Variants in KCNIP1 observed in about 807,000 individuals in gnomAD.
KCNIP1 encodes the protein A-type potassium channel modulatory protein KCNIP1.
KCNIP1 carries 18 observed loss-of-function variants against 33.0 expected under a neutral mutation model. The ratio of observed to expected loss-of-function variants is 0.55; its 90% confidence interval spans 0.38 to 0.81. The LOEUF is 0.81. KCNIP1 is among the 30% of genes least tolerant of loss of function. The probability of loss-of-function intolerance (pLI) is 0.00; values close to 1 mark genes in which losing one functional copy is unlikely to be tolerated. For synonymous variants in KCNIP1, 93 were observed against 98.3 expected (o/e 0.95, Z 0.32); for missense variants, 238 against 271.6 (o/e 0.88, Z 0.87).
At chr5:170,420,327 A>G (rs1345431532) in intron 1 of KCNIP1, 2 of 152,188 alleles carry the variant, frequency 1.3e-5, no homozygotes, top group Admixed American at 1.3e-4. Context: ...CACTTAATAA[A>G]TAGCAAATAT....
intron 1 of KCNIP1, among the ~76,000 whole-genome samples, chr5:170,437,001 G>C (rs193176052): frequency 6.6e-6 from 1 of 152,342 alleles, no homozygotes; most frequent in African/African-American, 2.4e-5. Context: ...GGAGCCTTGA[G>C]AAATGAAGAC....
chr5:170,370,421 C>A (rs911987941), intron 1 of KCNIP1, among the ~76,000 whole-genome samples: 1 of 152,182 alleles, frequency 6.6e-6, no homozygotes, highest in Non-Finnish European at 1.5e-5. Context: ...ATGAACAAGG[C>A]AGATTCAAAC....
At chr5:170,694,864 A>G (rs1762839325) in intron 1 of KCNIP1, among the ~76,000 whole-genome samples, 1 of 152,244 alleles carries the variant, frequency 6.6e-6, no homozygotes, top group Non-Finnish European at 1.5e-5. Flanking sequence ...TGTTGAGTTT[A>G]AAGAACAAAT....
chr5:170,544,043 T>C (rs1336296976), intron 1 of KCNIP1, among the ~76,000 whole-genome samples: 1 of 152,212 alleles, frequency 6.6e-6, no homozygotes, highest in African/African-American at 2.4e-5. Flanking sequence ...TTTTGTGTTA[T>C]GAAGATTTTT....
chr5:170,599,969 C>T (rs1036390699), intron 1 of KCNIP1, among the ~76,000 whole-genome samples: 1 of 152,200 alleles, frequency 6.6e-6, no homozygotes, highest in Admixed American at 6.5e-5. Flanking sequence ...CCAAGGTCCT[C>T]ATCAATCCTA....
At chr5:170,435,423 G>A (rs1395691313) in intron 1 of KCNIP1, among the ~76,000 whole-genome samples, 2 of 152,206 alleles carry the variant, frequency 1.3e-5, no homozygotes, top group African/African-American at 4.8e-5. Context: ...GGGCCCCAGC[G>A]CCTGTAGGTG....
At chr5:170,596,238 C>T (rs926511236) in intron 1 of KCNIP1, among the ~76,000 whole-genome samples, 5 of 152,330 alleles carry the variant, frequency 3.3e-5, no homozygotes, top group Middle Eastern at 3.4e-3. Context: ...GCAGGCTCAC[C>T]TGTCCATTGG....
At chr5:170,544,837 C>T (rs1233607151) in intron 1 of KCNIP1, among the ~76,000 whole-genome samples, 1 of 152,084 alleles carries the variant, frequency 6.6e-6, no homozygotes, top group Non-Finnish European at 1.5e-5. Context: ...AACTCCTGTA[C>T]CCACTTCTTT....
At chr5:170,355,396 G>A (rs761066580) in intron 1 of KCNIP1, among the ~76,000 whole-genome samples, 3 of 152,206 alleles carry the variant, frequency 2.0e-5, no homozygotes, top group Non-Finnish European at 4.4e-5. Flanking sequence ...CAGCTGGAAG[G>A]TTTTCTTTCC....
intron 1 of KCNIP1, among the ~76,000 whole-genome samples, chr5:170,414,329 G>C (rs532801004): frequency 6.6e-6 from 1 of 152,324 alleles, no homozygotes; most frequent in South Asian, 2.1e-4. Flanking sequence ...TCAGCCTAAA[G>C]GTTTCTCTGC....
intron 1 of KCNIP1, among the ~76,000 whole-genome samples, chr5:170,517,650 G>A (rs540332417): frequency 1.7e-3 from 257 of 149,776 alleles, no homozygotes; most frequent in Admixed American, 3.8e-3. Context: ...GTATGACAGC[G>A]ATGGTGGTAT....
At chr5:170,559,299 C>T (rs1212259505) in intron 1 of KCNIP1, among the ~76,000 whole-genome samples, 2 of 152,314 alleles carry the variant, frequency 1.3e-5, no homozygotes, top group African/African-American at 2.4e-5. Flanking sequence ...TCACAATAAA[C>T]CCATAATTAG....
chr5:170,391,418 T>C (rs1316090561), intron 1 of KCNIP1, among the ~76,000 whole-genome samples: 5 of 152,178 alleles, frequency 3.3e-5, no homozygotes, highest in Non-Finnish European at 5.9e-5. Context: ...CTGCTCCCCC[T>C]AAATGAGCCA....
At chr5:170,599,281 G>A (rs530149493) in intron 1 of KCNIP1, among the ~76,000 whole-genome samples, 6 of 152,246 alleles carry the variant, frequency 3.9e-5, no homozygotes, top group Non-Finnish European at 4.4e-5. Flanking sequence ...TACAATGGAG[G>A]GAAAAGTTGT....
At chr5:170,679,273 CA>C (rs1762246307) in intron 1 of KCNIP1, 1 of 152,222 alleles carries the variant, frequency 6.6e-6, no homozygotes. Flanking sequence ...GAAAATTTAA[CA>C]ATTAGTTTTC....
intron 1 of KCNIP1, among the ~76,000 whole-genome samples, chr5:170,608,150 T>C (rs1244191112): frequency 6.6e-6 from 1 of 152,090 alleles, no homozygotes; most frequent in African/African-American, 2.4e-5. Context: ...ATTATCTGTC[T>C]CCTAGGAACA....
At position 170,357,347 on chromosome 5, in the gene KCNIP1, G is replaced by A. The variant is rs146691549; in HGVS notation, c.88+3383G>A. On this transcript the variant is annotated intron_variant, in intron 1 of 7. Transcript: ENST00000377360. ...AGATAAAGCTCCCTGCCTATTAGGT[G>A]CTCAGTAGTGTTGATGGATATGACT... Among the ~76,000 whole-genome samples, 458 of 152,288 alleles carry A rather than the reference G, an allele frequency of 3.0e-3. 2 individuals carry two copies. Among genetic ancestry groups the A allele is most frequent in the African/African-American group, 0.011 (448 of 41,540 alleles).
At chr5:170,491,655 T>A (rs1463361942) in intron 1 of KCNIP1, among the ~76,000 whole-genome samples, 1 of 152,186 alleles carries the variant, frequency 6.6e-6, no homozygotes, top group African/African-American at 2.4e-5. Context: ...AGAAGGAACA[T>A]TTTTGGACAG....
chr5:170,456,701 T>TTCTTTCTTTCTTTCTTTCTTTC lies in KCNIP1; in HGVS notation c.88+102738_88+102739insCTTTCTTTCTTTCTTTCTTTCT, dbSNP rs1554093874. Among the ~76,000 whole-genome samples, 140 of 135,770 alleles carry TTCTTTCTTTCTTTCTTTCTTTC rather than the reference T, an allele frequency of 1.0e-3. 1 individual carries two copies. The highest frequency in any genetic ancestry group is 4.1e-3 in the African/African-American group (136 of 33,412). 89.1% of individuals were successfully genotyped at this position (135,770 alleles called of 152,430 possible). A position where few individuals can be genotyped will look rare whatever the true frequency, so the allele number is the denominator to read the frequency against. On this transcript the variant is annotated intron_variant, in intron 1 of 7. Transcript: ENST00000377360. Reference sequence around the variant, plus strand: ...TTTCTTTCTTTCTCTCTCTCTCTCTTTTTCTTTCTTTCTTTCTTTCTTTCT... The same window carrying TTCTTTCTTTCTTTCTTTCTTTC: ...TTTCTTTCTTTCTCTCTCTCTCTCTTTCTTTCTTTCTTTCTTTCTTTCTTTCTTTCTTTCTTTCTTTCTTTCT...
Sources: gnomAD v4.1 joint callset for allele counts (sites outside exome capture counted in the v4.1 genomes callset) on GRCh38, gnomAD v4.1.1 for gene constraint, MANE v1.5 for transcripts, NCBI Gene and HGNC (gene_info 2026-07-23, HGNC 2026-07-21) for gene names.